The following ZNFX1 variants were observed in gnomAD, a reference collection of about 807,000 sequenced individuals.
ZNFX1 encodes the protein zinc finger NFX1-type containing 1.
A neutral mutation model predicts 179.8 loss-of-function variants in ZNFX1; 78 were observed. The ratio of observed to expected loss-of-function variants is 0.43; its 90% CI spans 0.36 to 0.52. The LOEUF is 0.52. ZNFX1 is among the 20% of genes least tolerant of loss of function. The pLI is 0.00. For missense variants in ZNFX1, 1,927 were observed against 2,386.6 expected, an observed-to-expected ratio of 0.81 and a Z score of 4.01; for synonymous variants, 848 against 868.5, an observed-to-expected ratio of 0.98 and a Z score of 0.42.
intron 7 of ZNFX1, among the ~76,000 whole-genome samples, chr20:49,259,131 T>G (rs866101593): frequency 7.4e-6 from 1 of 135,770 alleles, no homozygotes; most frequent in Non-Finnish European, 1.6e-5. Context: ...AATAAATAAA[T>G]AAATAAATAA....
rs190843529 is a variant in ZNFX1, at chr20:49,277,289, G to A, written c.-49+732C>T. Among the ~76,000 whole-genome samples, 4 of 152,124 alleles carry A rather than the reference G, an allele frequency of 2.6e-5. No individual in the cohort carries two copies. The East Asian group carries it at 5.8e-4, about 22-fold the overall frequency. ...GGAATCCCTGACCCAGGGAGCCCAC[G>A]GTCCCTAATGGAAATGTTATGGGGT... On this transcript the variant is annotated intron_variant, in intron 1 of 13. Transcript: ENST00000396105.
intron 13 of ZNFX1, among the ~76,000 whole-genome samples, chr20:49,251,055 A>G (rs238213): frequency 0.68 from 103,765 of 151,788 alleles, 36,387 homozygotes; most frequent in Non-Finnish European, 0.78. Context: ...AACAGGCAGA[A>G]TTGGGATTAA....
rs1980903759 is a variant in ZNFX1 at position 49,253,876 on chromosome 20, G to C, written c.2960-65C>G. The C allele has an allele frequency of 8.2e-6, 13 of 1,582,270 alleles. No individual in the cohort carries two copies. In the South Asian group the frequency reaches 1.5e-4, roughly 18 times the overall value. On this transcript the variant is annotated intron_variant, in intron 10 of 13. Transcript: ENST00000396105. ...GGCACAGGACCCACAGGGCCACTGG[G>C]CCTCTGGGAATCCACTTCTGTATCT... is the stretch of plus-strand genomic sequence containing the variant.
chr20:49,248,993 C>T lies in ZNFX1; in HGVS notation c.4031G>A (p.Cys1344Tyr). The T allele has an allele frequency of 6.2e-7, 1 of 1,614,206 alleles. No homozygotes were observed. Among genetic ancestry groups the T allele is most frequent in the Non-Finnish European group, 8.5e-7 (1 of 1,180,028 alleles). Residue 1344 changes from cysteine (C) to tyrosine (Y), a missense_variant, in exon 14 of 14, where the codon TGT becomes TAT. By Grantham distance (194) the Cys-to-Tyr change is radical. Transcript: ENST00000396105. This position sits in a 1 kb window ranked among gnomAD's most constrained non-coding sequence, Gnocchi z 4.6. ...PLVCFQECQP[C>Y]QVKVPKTIPR... ...AATGGTTTTGGGCACCTTCACCTGA[C>T]AAGGCTGACACTCCTGGAAGCAAAC...
intron 10 of ZNFX1, 72 bp from the exon 11 acceptor site, chr20:49,253,883 G>C (rs1600986647): frequency 1.9e-6 from 3 of 1,566,504 alleles, no homozygotes; most frequent in Non-Finnish European, 2.6e-6. Flanking sequence ...TGGGCCTCTG[G>C]GAATCCACTT....
rs768211248 is a variant in ZNFX1 at position 49,249,632 on chromosome 20, T to G, written c.3392A>C (p.Gln1131Pro). ...CTCTACCACAAAGTGAGCCTCATGC[T>G]GGTTCTGATGGCTTTTGCCCTCTTG... ...EIQEGKSHQNQHEAHFVVELC... is the reference protein window; with the variant it reads ...EIQEGKSHQNPHEAHFVVELC... The change falls in exon 14 of 14, where the codon CAG becomes CCG. Residue 1131 changes from glutamine to proline, a missense_variant. Gln to Pro is a moderately conservative substitution (Grantham distance 76). Transcript: ENST00000396105. The G allele has an allele frequency of 6.2e-7, 1 of 1,614,236 alleles. No individual in the cohort carries two copies. Among genetic ancestry groups the G allele is most frequent in the Non-Finnish European group, 8.5e-7 (1 of 1,180,040 alleles).
rs770773368 is a variant in ZNFX1, at chr20:49,248,311, G to A, written c.4713C>T (p.Thr1571=). Residue 1571 remains threonine, a synonymous_variant, in exon 14 of 14, where the codon ACC becomes ACT. Transcript: ENST00000396105. The surrounding 1 kb of genome is among the most constrained non-coding windows in gnomAD (Gnocchi z 4.6). ...CATCCTCAAAGCCAAAGAATATTTG[G>A]GTGACCTCATCCATGTGGCAGATCC... ...KCRICHMDEV[T]QIFFGFEDEP... is the part of the protein sequence containing the mutation. The A allele has an allele frequency of 1.9e-6, 3 of 1,614,010 alleles. No individual in the cohort carries two copies. Among genetic ancestry groups the A allele is most frequent in the Non-Finnish European group, 2.5e-6 (3 of 1,180,038 alleles).
chr20:49,258,067 A>G (rs1159002814), intron 7 of ZNFX1, among the ~76,000 whole-genome samples: 2 of 150,594 alleles, frequency 1.3e-5, no homozygotes, highest in Admixed American at 1.3e-4. Flanking sequence ...AAGAGCTCAG[A>G]TGCATGAAGA....
At chr20:49,268,835 C>G (rs150640059) in intron 3 of ZNFX1, among the ~76,000 whole-genome samples, 3 of 151,658 alleles carry the variant, frequency 2.0e-5, no homozygotes, top group African/African-American at 7.3e-5. Context: ...AATAAACAGT[C>G]AAAAAAAAGT....
Position 49,249,259 on chromosome 20 carries a change from T to C in ZNFX1, c.3765A>G (p.Gln1255=), listed in dbSNP as rs764941465. 39 of 1,614,040 alleles carry C rather than the reference T, an allele frequency of 2.4e-5. No homozygotes were observed. Among genetic ancestry groups the C allele is most frequent in the Non-Finnish European group, 3.0e-5 (35 of 1,180,028 alleles). The change falls in exon 14 of 14, where the codon CAA becomes CAG. Residue 1255 remains glutamine (Q), a synonymous_variant. Transcript: ENST00000396105. Reference sequence around the variant, plus strand: ...AGCAGAGCCGGAGCATGGGGCCTATTTGATTGTTCTCTCGAAGTGTATGAA... The same window carrying C: ...AGCAGAGCCGGAGCATGGGGCCTATCTGATTGTTCTCTCGAAGTGTATGAA... ...KIIHTLRENN[Q]IGPMLRLCCQ...
chr20:49,260,604 G>C, intron 6 of ZNFX1, 27 bp from the exon 7 acceptor site: 1 of 1,529,794 alleles, frequency 6.5e-7, no homozygotes, highest in South Asian at 1.2e-5. Flanking sequence ...GATCATTTGT[G>C]AGGATTCTAT....
intron 3 of ZNFX1, among the ~76,000 whole-genome samples, chr20:49,267,209 C>T (rs1981256586): frequency 6.6e-6 from 1 of 152,204 alleles, no homozygotes; most frequent in South Asian, 2.1e-4. Context: ...TAAATTCTTA[C>T]ATTGTGTCAG....
chr20:49,253,649 G>A lies in ZNFX1; in HGVS notation c.3105+17C>T. 14 of 1,613,586 alleles carry A rather than the reference G, an allele frequency of 8.7e-6. No homozygotes were observed. The highest frequency in any genetic ancestry group is 1.1e-5 in the Non-Finnish European group (13 of 1,179,912). The stretch of plus-strand genomic sequence containing the variant: ...CACGGAGAGCCAGCCCATCTTCTAG[G>A]GGGACTCTCGTTTTACCTGCTGGTG... On this transcript the variant is annotated intron_variant, in intron 11 of 13. Transcript: ENST00000396105.
chr20:49,258,452 G>A (rs752110346), intron 7 of ZNFX1, among the ~76,000 whole-genome samples: 3 of 152,068 alleles, frequency 2.0e-5, no homozygotes, highest in Non-Finnish European at 4.4e-5. Flanking sequence ...AAGGCTTAAG[G>A]TCTCCTTATA....
In ZNFX1 at chr20:49,264,723, T is replaced by C. The variant is rs200359370; in HGVS notation, c.2144A>G (p.Tyr715Cys). ...TTCAGAGCTGGGACTTACACTCATG[T>C]AGGCCCTTCGGAGGTGCATGGGGAG... is the stretch of plus-strand genomic sequence containing the variant. The part of the protein sequence containing the change: ...RNLPMHLRRA[Y>C]MSIMTQMKES... Residue 715 changes from tyrosine (Y) to cysteine (C), a missense_variant, in exon 5 of 14, where the codon TAC becomes TGC. Tyr to Cys is a radical substitution (Grantham distance 194). Coordinates refer to ENST00000396105, the MANE Select transcript of ZNFX1 (RefSeq NM_021035.3). The C allele has an allele frequency of 1.9e-6, 3 of 1,613,826 alleles. No individual in the cohort carries two copies. Among genetic ancestry groups the C allele is most frequent in the Admixed American group, 1.7e-5 (1 of 59,998 alleles).
intron 2 of ZNFX1, among the ~76,000 whole-genome samples, chr20:49,273,556 A>C (rs558415141): frequency 2.0e-5 from 3 of 152,328 alleles, no homozygotes; most frequent in Admixed American, 6.5e-5. Flanking sequence ...AATCAGAAGA[A>C]AGTACTACTT....
At position 49,249,486 on chromosome 20, in the gene ZNFX1, T is replaced by C; in HGVS notation, c.3538A>G (p.Arg1180Gly). 1 of 1,614,274 alleles carries C rather than the reference T, an allele frequency of 6.2e-7. No individual in the cohort carries two copies. Among genetic ancestry groups the C allele is most frequent in the Non-Finnish European group, 8.5e-7 (1 of 1,180,050 alleles). ...TGGTATTTGTCCACAACATGGACCC[T>C]GACGCCAGCAAATGTCTTGGCAGGC... ...LMPAKTFAGV[R>G]VHVVDKYQGE... Residue 1180 changes from arginine to glycine, a missense_variant, in exon 14 of 14, where the codon AGG becomes GGG. By Grantham distance (125) the Arg-to-Gly change is moderately radical (BLOSUM62 -2). Transcript: ENST00000396105.
Position 49,260,495 on chromosome 20 carries a change from T to G in ZNFX1, c.2384A>C (p.Gln795Pro). ...WLGLGVGSFT[Q>P]SVSPAGPENT... ...CTCAGGTCCTGCTGGAGAAACACTT[T>G]GCGTGAAAGAACCGACACCAAGACC... is the stretch of plus-strand genomic sequence containing the variant. The change falls in exon 7 of 14, where the codon CAA becomes CCA. Residue 795 changes from glutamine (Q) to proline (P), a missense_variant. Physicochemically the swap from Gln to Pro is moderately conservative, Grantham distance 76. Transcript: ENST00000396105. The G allele has an allele frequency of 6.2e-7, 1 of 1,613,392 alleles. No homozygotes were observed. The highest frequency in any genetic ancestry group is 1.3e-5 in the African/African-American group (1 of 75,004).
chr20:49,256,646 A>C (rs1023074115), intron 8 of ZNFX1, among the ~76,000 whole-genome samples: 1 of 152,234 alleles, frequency 6.6e-6, no homozygotes, highest in Non-Finnish European at 1.5e-5. Context: ...AATGAAACAA[A>C]TCAACCTTTC....
Sources: gnomAD v4.1 joint callset for allele counts (sites outside exome capture counted in the v4.1 genomes callset) on GRCh38, gnomAD v4.1.1 for gene constraint, Gnocchi (gnomAD v3.1) non-coding constraint, MANE v1.5 for transcripts, NCBI Gene and HGNC (gene_info 2026-07-23, HGNC 2026-07-21) for gene names.